SGCZ: variants seen among roughly 807,000 people sequenced by gnomAD.
The protein encoded by SGCZ is zeta-sarcoglycan.
In SGCZ, 40 loss-of-function variants were observed where a neutral mutation model predicts 41.3. The ratio of observed to expected loss-of-function variants is 0.97; its 90% CI spans 0.75 to 1.26. The LOEUF (loss-of-function observed/expected upper bound fraction) is 1.26. Ranked by LOEUF, SGCZ falls within the 50% of genes most tolerant of loss-of-function variation. The pLI, the probability that SGCZ is intolerant of heterozygous loss-of-function variation, is 0.00. For missense variants in SGCZ, 552 were observed against 369.8 expected, an observed-to-expected ratio of 1.49 and a Z score of -4.04; for synonymous variants, 206 against 137.5, an observed-to-expected ratio of 1.50 and a Z score of -3.49.
chr8:14,332,814 T>C (rs549603044), intron 2 of SGCZ, among the ~76,000 whole-genome samples: 2 of 151,412 alleles, frequency 1.3e-5, no homozygotes, highest in South Asian at 4.2e-4. Flanking sequence ...TGTAGATATA[T>C]AGAATATACT....
rs574330454 is a variant in SGCZ at position 14,085,607 on chromosome 8, C to A, written c.*4836G>T. ...TACAAGTATTTCAAATTTTATTCTC[C>A]AAATAGTGTTCAGCAAGCAGTGAAA... On this transcript the variant is annotated 3_prime_UTR_variant, in exon 8 of 8. Coordinates refer to ENST00000382080, the MANE Select transcript of SGCZ (RefSeq NM_139167.4). Among the ~76,000 whole-genome samples the A allele has an allele frequency of 2.6e-5, 4 of 151,794 alleles. No individual in the cohort carries two copies. In the South Asian group the frequency reaches 8.3e-4, roughly 31 times the overall value.
intron 1 of SGCZ, among the ~76,000 whole-genome samples, chr8:14,769,663 G>A (rs1489839853): frequency 5.9e-5 from 9 of 151,790 alleles, no homozygotes; most frequent in African/African-American, 1.9e-4. Flanking sequence ...ATGGTGGCAT[G>A]AGCCTGTAAT....
intron 2 of SGCZ, among the ~76,000 whole-genome samples, chr8:14,514,783 ATG>A (rs200862544): frequency 0.03 from 2,988 of 100,354 alleles, 54 homozygotes; most frequent in South Asian, 0.091. Context: ...ATATATGTAA[ATG>A]TGTGTGTGTG....
chr8:14,760,900 G>A (rs998243181), intron 1 of SGCZ, among the ~76,000 whole-genome samples: 2 of 152,150 alleles, frequency 1.3e-5, no homozygotes, highest in African/African-American at 4.8e-5. Context: ...AATCATCTCA[G>A]TTAACTGGCA....
chr8:15,092,891 A>G (rs1806203941), intron 1 of SGCZ, among the ~76,000 whole-genome samples: 1 of 152,318 alleles, frequency 6.6e-6, no homozygotes, highest in Admixed American at 6.5e-5. Context: ...TGCTAATACT[A>G]CTAACAGGAA....
intron 2 of SGCZ, among the ~76,000 whole-genome samples, chr8:14,441,263 G>T (rs1216343411): frequency 1.3e-5 from 2 of 151,996 alleles, no homozygotes; most frequent in East Asian, 1.9e-4. Flanking sequence ...CCAGTTGTAG[G>T]TGCTGTCTCC....
chr8:14,125,453 G>C (rs1205395112), intron 5 of SGCZ, among the ~76,000 whole-genome samples: 1 of 149,852 alleles, frequency 6.7e-6, no homozygotes, highest in African/African-American at 2.5e-5. Context: ...GCAGTGAGCC[G>C]AGATCACGCC....
intron 3 of SGCZ, among the ~76,000 whole-genome samples, chr8:14,311,996 C>G (rs965575181): frequency 1.3e-5 from 2 of 152,096 alleles, no homozygotes; most frequent in South Asian, 4.1e-4. Flanking sequence ...ATATGTGACA[C>G]TGGAAACAAA....
chr8:14,766,823 C>A (rs908711571), intron 1 of SGCZ, among the ~76,000 whole-genome samples: 2 of 150,860 alleles, frequency 1.3e-5, no homozygotes, highest in Non-Finnish European at 2.9e-5. Flanking sequence ...AACAGTCTGC[C>A]CGCCTCGGCC....
chr8:14,663,275 A>T (rs965833081), intron 1 of SGCZ, among the ~76,000 whole-genome samples: 1 of 152,196 alleles, frequency 6.6e-6, no homozygotes, highest in South Asian at 2.1e-4. Context: ...CTAGCACATT[A>T]TTAGCATCCC....
intron 1 of SGCZ, among the ~76,000 whole-genome samples, chr8:15,106,833 C>T (rs1438530765): frequency 1.3e-5 from 2 of 152,066 alleles, no homozygotes; most frequent in African/African-American, 4.8e-5. Flanking sequence ...ATCTGTTTCA[C>T]AACTAATCAT....
chr8:14,670,474 A>G (rs1316573447), intron 1 of SGCZ, among the ~76,000 whole-genome samples: 1 of 152,200 alleles, frequency 6.6e-6, no homozygotes. Context: ...GCAAGAACAA[A>G]GTTAAAGTAT....
intron 1 of SGCZ, among the ~76,000 whole-genome samples, chr8:14,986,077 T>C (rs1335097665): frequency 6.6e-6 from 1 of 152,068 alleles, no homozygotes; most frequent in Non-Finnish European, 1.5e-5. Flanking sequence ...ACTAAATATA[T>C]GAACAATATA....
intron 3 of SGCZ, among the ~76,000 whole-genome samples, chr8:14,258,235 T>TAATGAAAACA (rs71541657): frequency 0.38 from 58,050 of 151,810 alleles, 12,472 homozygotes; most frequent in Non-Finnish European, 0.5. Flanking sequence ...ATGAAGATTA[T>TAATGAAAACA]AATGAAAACT....
intron 2 of SGCZ, among the ~76,000 whole-genome samples, chr8:14,345,026 A>G (rs1172363783): frequency 6.6e-6 from 1 of 152,194 alleles, no homozygotes; most frequent in Non-Finnish European, 1.5e-5. Context: ...ATGCAAATGT[A>G]CGTGTGCATA....
chr8:14,621,427 A>G (rs192389632), intron 1 of SGCZ, among the ~76,000 whole-genome samples: 621 of 152,274 alleles, frequency 4.1e-3, no homozygotes, highest in Non-Finnish European at 6.2e-3. Flanking sequence ...CATAGAACTT[A>G]AAGTATAATA....
At chr8:14,232,918 T>G (rs1390504924) in intron 4 of SGCZ, among the ~76,000 whole-genome samples, 1 of 152,036 alleles carries the variant, frequency 6.6e-6, no homozygotes, top group Non-Finnish European at 1.5e-5. Context: ...TGACATTCAG[T>G]TTTTTAATAC....
At chr8:14,400,760 A>ATTT (rs11375684) in intron 2 of SGCZ, among the ~76,000 whole-genome samples, 16 of 151,286 alleles carry the variant, frequency 1.1e-4, no homozygotes, top group African/African-American at 3.9e-4. Context: ...AATCAATAGT[A>ATTT]TTTTTTTTTA....
At chr8:14,787,710 G>C (rs1347761434) in intron 1 of SGCZ, among the ~76,000 whole-genome samples, 1 of 152,056 alleles carries the variant, frequency 6.6e-6, no homozygotes, top group African/African-American at 2.4e-5. Flanking sequence ...GCCAGGAATG[G>C]TGGCACACGC....
Sources: gnomAD v4.1 joint callset for allele counts (sites outside exome capture counted in the v4.1 genomes callset) on GRCh38, gnomAD v4.1.1 for gene constraint, MANE v1.5 for transcripts, NCBI Gene and HGNC (gene_info 2026-07-23, HGNC 2026-07-21) for gene names.